Variants in GPR158 observed in about 807,000 individuals in gnomAD.
The protein encoded by GPR158 is metabotropic glycine receptor.
A neutral mutation model predicts 78.2 loss-of-function variants in GPR158; 30 were observed. The ratio of observed to expected loss-of-function variants is 0.38; its 90% CI spans 0.29 to 0.52. The LOEUF (loss-of-function observed/expected upper bound fraction) is 0.52, where lower values mean the gene tolerates loss of function less well. Ranked by LOEUF, GPR158 falls within the 20% of genes least tolerant of loss-of-function variation. The pLI is 0.83. For synonymous variants in GPR158, 581 were observed against 591.1 expected, an observed-to-expected ratio of 0.98 and a Z score of 0.25; for missense variants, 1,463 against 1,523.5, an observed-to-expected ratio of 0.96 and a Z score of 0.66.
At chr10:25,387,967 A>T (rs1477518178) in intron 2 of GPR158, among the ~76,000 whole-genome samples, 2 of 113,500 alleles carry the variant, frequency 1.8e-5, no homozygotes, top group African/African-American at 6.4e-5. Flanking sequence ...CTAGTTATAT[A>T]TCTGTTCTTT....
chr10:25,592,771 A>G (rs1289666368), intron 8 of GPR158, among the ~76,000 whole-genome samples: 3 of 151,880 alleles, frequency 2.0e-5, no homozygotes, highest in Admixed American at 1.3e-4. Context: ...GTCTCCTTTA[A>G]TGTAACTTTC....
chr10:25,200,873 T>G (rs112544778), intron 1 of GPR158, among the ~76,000 whole-genome samples: 2,884 of 149,852 alleles, frequency 0.019, 58 homozygotes, highest in East Asian at 0.064. Flanking sequence ...GTTTTGTTTT[T>G]TTTTTTTTTT....
At chr10:25,498,692 A>C (rs893650505) in intron 5 of GPR158, among the ~76,000 whole-genome samples, 14 of 152,190 alleles carry the variant, frequency 9.2e-5, no homozygotes, top group Non-Finnish European at 2.1e-4. Flanking sequence ...CAAGAGAAGT[A>C]GATATTACAT....
At chr10:25,586,668 C>T (rs1837273414) in intron 7 of GPR158, among the ~76,000 whole-genome samples, 1 of 152,116 alleles carries the variant, frequency 6.6e-6, no homozygotes, top group African/African-American at 2.4e-5. Flanking sequence ...CTGCCTCAGC[C>T]TCTCAAAGTG....
At chr10:25,368,403 C>A (rs914896347) in intron 2 of GPR158, among the ~76,000 whole-genome samples, 3 of 151,594 alleles carry the variant, frequency 2.0e-5, no homozygotes, top group Non-Finnish European at 4.4e-5. Flanking sequence ...AAGCAAATAA[C>A]CTCATTAAAA....
At chr10:25,359,542 A>G (rs940520940) in intron 2 of GPR158, among the ~76,000 whole-genome samples, 4 of 152,094 alleles carry the variant, frequency 2.6e-5, no homozygotes, top group African/African-American at 9.7e-5. Flanking sequence ...GTTTGCTGAG[A>G]ATGATGGTTT....
chr10:25,334,481 A>G (rs1478701305), intron 2 of GPR158, among the ~76,000 whole-genome samples: 2 of 152,068 alleles, frequency 1.3e-5, no homozygotes, highest in African/African-American at 2.4e-5. Flanking sequence ...CAGAATTGAC[A>G]TCAGGAGTCC....
intron 5 of GPR158, among the ~76,000 whole-genome samples, chr10:25,472,059 T>A (rs1317251912): frequency 2.6e-5 from 4 of 152,280 alleles, no homozygotes; most frequent in African/African-American, 9.6e-5. Flanking sequence ...CTGAATGGTA[T>A]TGCCTAGGTT....
rs1853192889 is a variant in GPR158, at chr10:25,215,261, C to A, written c.903-5791C>A. 2.6e-5 allele frequency among the ~76,000 whole-genome samples: 4 copies of A among 152,120 alleles called. No homozygotes were observed. The South Asian group carries it at 8.3e-4, about 31-fold the overall frequency. The stretch of plus-strand genomic sequence containing the variant: ...ATTATACTAAGTGAAATAAGCCAGT[C>A]ATGAAAAGACAAATACTGTATGATT... On this transcript the variant is annotated intron_variant, in intron 1 of 10. Transcript: ENST00000376351.
intron 2 of GPR158, among the ~76,000 whole-genome samples, chr10:25,272,751 G>A (rs1356997554): frequency 2.6e-5 from 4 of 152,194 alleles, no homozygotes; most frequent in Non-Finnish European, 5.9e-5. Context: ...GGGAGGGGAA[G>A]CCTAATTTGG....
rs184164340 is a variant in GPR158 at position 25,598,986 on chromosome 10, G to T, written c.3360G>T (p.Leu1120=). The T allele has an allele frequency of 4.0e-5, 64 of 1,614,134 alleles. No homozygotes were observed. The highest frequency in any genetic ancestry group is 1.6e-4 in the Middle Eastern group (1 of 6,062). Residue 1120 remains leucine, a synonymous_variant, in exon 11 of 11, where the codon CTG becomes CTT. Transcript: ENST00000376351. ...ANVCAGQSEE[L]PPKAVASKTE... is the part of the protein sequence containing the mutation. ...TGTGTGCTGGGCAGAGCGAAGAACT[G>T]CCCCCCAAAGCTGTAGCATCAAAAA...
At position 25,460,671 on chromosome 10, in the gene GPR158, T is replaced by G. The variant is rs559303867; in HGVS notation, c.1336-5980T>G. ...TCTCTGGAAACAAACAAACAAACAT[T>G]GTTATCAACTTAGTATGTATCCTCC... is the stretch of plus-strand genomic sequence containing the variant. On this transcript the variant is annotated intron_variant, in intron 4 of 10. Coordinates refer to ENST00000376351, the MANE Select transcript of GPR158 (RefSeq NM_020752.3). Among the ~76,000 whole-genome samples the G allele has an allele frequency of 9.2e-5, 14 of 152,290 alleles. No homozygotes were observed. In the South Asian group the frequency reaches 2.9e-3, roughly 32 times the overall value.
intron 5 of GPR158, among the ~76,000 whole-genome samples, chr10:25,497,280 G>C (rs1190111560): frequency 6.6e-6 from 1 of 152,188 alleles, no homozygotes; most frequent in Non-Finnish European, 1.5e-5. Context: ...GTAAACTTGA[G>C]AAGTGATACA....
At chr10:25,259,442 C>G (rs1406030789) in intron 2 of GPR158, among the ~76,000 whole-genome samples, 1 of 152,008 alleles carries the variant, frequency 6.6e-6, no homozygotes, top group African/African-American at 2.4e-5. Context: ...TTTCTCAGTT[C>G]TTTGTGTGTG....
chr10:25,211,676 G>A (rs1185035520), intron 1 of GPR158, among the ~76,000 whole-genome samples: 1 of 149,856 alleles, frequency 6.7e-6, no homozygotes, highest in Non-Finnish European at 1.5e-5. Context: ...TAGCATTTAG[G>A]AAGCCTTCTG....
At chr10:25,572,987 A>G (rs997973051) in intron 7 of GPR158, 100 bp downstream of exon 7, 1 of 753,464 alleles carries the variant, frequency 1.3e-6, no homozygotes, top group Admixed American at 1.9e-5. Context: ...TAAAGCCTAA[A>G]CTAATCTCAC....
chr10:25,230,744 G>A (rs1025307659), intron 2 of GPR158, among the ~76,000 whole-genome samples: 1 of 152,078 alleles, frequency 6.6e-6, no homozygotes, highest in Non-Finnish European at 1.5e-5. Flanking sequence ...TTAATAATCA[G>A]ATTTTTTTAA....
At chr10:25,541,134 T>C (rs1388515666) in intron 5 of GPR158, among the ~76,000 whole-genome samples, 1 of 151,768 alleles carries the variant, frequency 6.6e-6, no homozygotes, top group Non-Finnish European at 1.5e-5. Context: ...ATCAAGATTT[T>C]TGATTGCCAG....
rs3920656 is a variant in GPR158, at chr10:25,489,393, G to A, written c.1404+22674G>A. Among the ~76,000 whole-genome samples, 7,642 of 152,172 alleles carry A rather than the reference G, an allele frequency of 0.05. 876 individuals are homozygous for A. The East Asian group carries it at 0.53, about 11-fold the overall frequency. ...TTCTAAGTTTTCTTCAATCCACGAA[G>A]CAGTGATGAGGTTTCATATTGTATG... On this transcript the variant is annotated intron_variant, in intron 5 of 10. Transcript: ENST00000376351.
Sources: allele counts gnomAD v4.1 joint callset (sites outside exome capture counted in the v4.1 genomes callset), GRCh38; gene constraint gnomAD v4.1.1; transcripts MANE v1.5; gene names NCBI Gene and HGNC (gene_info 2026-07-23, HGNC 2026-07-21).